Variants in ANK2 observed in about 807,000 individuals in gnomAD.
ANK2 encodes ankyrin 2.
A neutral mutation model predicts 360.5 loss-of-function variants in ANK2; 83 were observed. That is an observed-to-expected ratio of 0.23 (90% CI 0.19 to 0.28). The LOEUF is 0.28. Among genes scored for constraint, ANK2 ranks in the 10% least tolerant of loss-of-function variants. The pLI, the probability that ANK2 is intolerant of heterozygous loss-of-function variation, is 1.00. For synonymous variants in ANK2, 1,740 were observed against 1,759.5 expected, an observed-to-expected ratio of 0.99 and a Z score of 0.28; for missense variants, 4,201 against 4,795.7, an observed-to-expected ratio of 0.88 and a Z score of 3.66.
At chr4:112,860,330 G>T (rs1288776990) in intron 1 of ANK2, among the ~76,000 whole-genome samples, 1 of 152,054 alleles carries the variant, frequency 6.6e-6, no homozygotes. Flanking sequence ...GGGTTCAAGC[G>T]ATTCTTCTGC....
intron 2 of ANK2, among the ~76,000 whole-genome samples, chr4:112,940,116 C>T (rs17045148): frequency 0.018 from 2,665 of 152,262 alleles, 55 homozygotes; most frequent in African/African-American, 0.051. Context: ...AGGTCATAAA[C>T]TTCCACCATG....
chr4:113,054,053 G>C (rs989556723), intron 1 of ANK2, among the ~76,000 whole-genome samples: 4 of 152,174 alleles, frequency 2.6e-5, no homozygotes, highest in Non-Finnish European at 5.9e-5. Flanking sequence ...AATTGGAAAT[G>C]GGAATGCCCA....
At chr4:112,783,925 A>C in the ANK2 span, among the ~76,000 whole-genome samples, 51 of 152,128 alleles carry the variant, frequency 3.4e-4, no homozygotes, top group Admixed American at 5.2e-4. Context: ...TTGGGATTAC[A>C]GGCGTGAGCC....
intron 43 of ANK2, among the ~76,000 whole-genome samples, chr4:113,372,050 T>C (rs1564172231): frequency 1.3e-5 from 2 of 152,206 alleles, no homozygotes; most frequent in Non-Finnish European, 2.9e-5. Flanking sequence ...CACTATTGGT[T>C]AGATAATAGC....
At chr4:112,802,751 A>C in the ANK2 span, among the ~76,000 whole-genome samples, 1 of 152,228 alleles carries the variant, frequency 6.6e-6, no homozygotes, top group Non-Finnish European at 1.5e-5. Context: ...AGCAATATAG[A>C]CAACATAGGA....
chr4:112,800,265 C>G, the ANK2 span, among the ~76,000 whole-genome samples: 1 of 152,330 alleles, frequency 6.6e-6, no homozygotes, highest in South Asian at 2.1e-4. Flanking sequence ...AACCCTTCCA[C>G]TCTTCAGACT....
At chr4:113,002,025 T>TA (rs59333075) in intron 2 of ANK2, among the ~76,000 whole-genome samples, 1 of 146,372 alleles carries the variant, frequency 6.8e-6, no homozygotes, top group Admixed American at 6.9e-5. Context: ...TTTATTTATT[T>TA]TTATTATTAT....
At chr4:112,749,911 A>G in the ANK2 span, among the ~76,000 whole-genome samples, 12 of 151,784 alleles carry the variant, frequency 7.9e-5, no homozygotes, top group Non-Finnish European at 1.5e-4. Context: ...ACGCCCAGCT[A>G]ATTTTTGTAT....
intron 4 of ANK2, among the ~76,000 whole-genome samples, chr4:113,206,740 C>T (rs1301838720): frequency 6.6e-6 from 1 of 152,122 alleles, no homozygotes; most frequent in African/African-American, 2.4e-5. Flanking sequence ...AAGTTTTGCC[C>T]AGGCTGGGTG....
intron 1 of ANK2, among the ~76,000 whole-genome samples, chr4:113,149,876 A>G (rs2096979763): frequency 7.4e-6 from 1 of 135,474 alleles, no homozygotes; most frequent in Non-Finnish European, 1.5e-5. Context: ...CCCTGCCTCA[A>G]AAAAAAAAAA....
intron 2 of ANK2, among the ~76,000 whole-genome samples, chr4:113,189,648 A>T (rs1027033351): frequency 3.3e-5 from 5 of 152,206 alleles, no homozygotes; most frequent in Non-Finnish European, 7.3e-5. Flanking sequence ...GATAGGGCAC[A>T]CACTGGAATC....
chr4:113,376,628 G>C (rs1438778795), intron 45 of ANK2, among the ~76,000 whole-genome samples: 1 of 151,936 alleles, frequency 6.6e-6, no homozygotes, highest in Non-Finnish European at 1.5e-5. Flanking sequence ...GTAACTCTTT[G>C]ACTTTATAAG....
At chr4:113,293,937 C>T (rs897401809) in intron 22 of ANK2, among the ~76,000 whole-genome samples, 1 of 152,180 alleles carries the variant, frequency 6.6e-6, no homozygotes, top group Non-Finnish European at 1.5e-5. Context: ...TGGAAAGACC[C>T]TGCTCCTCCC....
At chr4:112,824,714 G>A (rs2058034156) in intron 1 of ANK2, among the ~76,000 whole-genome samples, 1 of 151,900 alleles carries the variant, frequency 6.6e-6, no homozygotes, top group Non-Finnish European at 1.5e-5. Flanking sequence ...ATGCTGGCCA[G>A]GCTGGTCTCA....
chr4:113,350,431 A>C (rs2095334830), intron 37 of ANK2, 182 bp downstream of exon 37: 3 of 526,260 alleles, frequency 5.7e-6, no homozygotes, highest in Non-Finnish European at 1.0e-5. Context: ...AATATACCTA[A>C]TTTGCGAGCT....
chr4:113,217,727 C>T (rs61425204), intron 4 of ANK2, among the ~76,000 whole-genome samples: 5,662 of 152,268 alleles, frequency 0.037, 127 homozygotes, highest in East Asian at 0.067. Context: ...CCCGCCCCGA[C>T]TCACCTTCTG....
intron 26 of ANK2, among the ~76,000 whole-genome samples, chr4:113,326,084 C>T (rs2089675692): frequency 3.3e-5 from 5 of 152,226 alleles, no homozygotes; most frequent in Admixed American, 3.3e-4. Context: ...TCGCGACTCA[C>T]ACCTTCTAAC....
intron 2 of ANK2, among the ~76,000 whole-genome samples, chr4:112,976,321 G>A (rs781061474): frequency 1.3e-5 from 2 of 152,032 alleles, no homozygotes; most frequent in Non-Finnish European, 1.5e-5. Context: ...AGCCTCCTGA[G>A]TAGCTGGGAT....
chr4:112,889,278 A>G (rs1355962957), intron 1 of ANK2, among the ~76,000 whole-genome samples: 1 of 151,572 alleles, frequency 6.6e-6, no homozygotes, highest in Non-Finnish European at 1.5e-5. Context: ...TGTGCTTACC[A>G]TTCATCTTTT....
Sources: gnomAD v4.1 joint callset for allele counts (sites outside exome capture counted in the v4.1 genomes callset) on GRCh38, gnomAD v4.1.1 for gene constraint, MANE v1.5 for transcripts, NCBI Gene and HGNC (gene_info 2026-07-23, HGNC 2026-07-21) for gene names.